RYR3: variants seen among roughly 807,000 people sequenced by gnomAD.
RYR3 encodes the protein ryanodine receptor 3, also known as brain ryanodine receptor-calcium release channel.
In RYR3, 207 loss-of-function variants were observed where a neutral mutation model predicts 584.3. The ratio of observed to expected loss-of-function variants is 0.35; its 90% CI spans 0.32 to 0.40. The LOEUF (loss-of-function observed/expected upper bound fraction) is 0.40, where lower values mean the gene tolerates loss of function less well. Ranked by LOEUF, RYR3 falls within the 10% of genes least tolerant of loss-of-function variation. The probability of loss-of-function intolerance (pLI) is 1.00; values close to 1 mark genes in which losing one functional copy is unlikely to be tolerated. For synonymous variants in RYR3, 2,416 were observed against 2,248.5 expected, an observed-to-expected ratio of 1.07 and a Z score of -2.11; for missense variants, 5,616 against 6,089.2, an observed-to-expected ratio of 0.92 and a Z score of 2.59.
chr15:33,405,970 T>C (rs186882902), intron 1 of RYR3, among the ~76,000 whole-genome samples: 1 of 152,338 alleles, frequency 6.6e-6, no homozygotes, highest in East Asian at 1.9e-4. Flanking sequence ...CTCCCTTCTC[T>C]ATAATCCATA....
intron 17 of RYR3, among the ~76,000 whole-genome samples, 171 bp downstream of exon 17, chr15:33,601,723 C>T (rs938577835): frequency 6.6e-6 from 1 of 152,160 alleles, no homozygotes; most frequent in African/African-American, 2.4e-5. Flanking sequence ...ACTAGGGCCT[C>T]CAACACCTTT....
intron 57 of RYR3, among the ~76,000 whole-genome samples, chr15:33,752,409 G>A (rs181986478): frequency 1.3e-5 from 2 of 152,244 alleles, no homozygotes; most frequent in Admixed American, 1.3e-4. Flanking sequence ...ATTTCGTTGA[G>A]CATTGATTTG....
At chr15:33,462,320 A>G (rs757378687) in intron 1 of RYR3, among the ~76,000 whole-genome samples, 14 of 152,208 alleles carry the variant, frequency 9.2e-5, no homozygotes, top group Non-Finnish European at 1.8e-4. Flanking sequence ...AAGGATATTC[A>G]AAGAGTATCC....
chr15:33,358,528 G>A (rs1038680136), intron 1 of RYR3, among the ~76,000 whole-genome samples: 8 of 152,168 alleles, frequency 5.3e-5, no homozygotes, highest in African/African-American at 1.9e-4. Flanking sequence ...AAAGGCTGCA[G>A]AGACGTGGTG....
chr15:33,471,940 C>T (rs2048967674), intron 1 of RYR3, among the ~76,000 whole-genome samples: 1 of 152,148 alleles, frequency 6.6e-6, no homozygotes. Context: ...CTGGTTGATA[C>T]AGGATCTAGG....
intron 17 of RYR3, among the ~76,000 whole-genome samples, chr15:33,602,211 C>T (rs2059697240): frequency 6.6e-6 from 1 of 152,210 alleles, no homozygotes; most frequent in Non-Finnish European, 1.5e-5. Flanking sequence ...TGAGCTGTCA[C>T]ACAGACTTAC....
intron 67 of RYR3, among the ~76,000 whole-genome samples, chr15:33,792,529 G>A (rs4145827): frequency 0.6 from 91,588 of 151,980 alleles, 28,951 homozygotes; most frequent in East Asian, 0.96. Flanking sequence ...CACCATCATC[G>A]CTTCTATTCT....
chr15:33,417,402 C>T (rs1379430144), intron 1 of RYR3, among the ~76,000 whole-genome samples: 1 of 152,084 alleles, frequency 6.6e-6, no homozygotes, highest in Admixed American at 6.6e-5. Context: ...AGATCTTTCA[C>T]CTCCTTGATA....
chr15:33,713,346 A>T (rs1169436762), intron 43 of RYR3, among the ~76,000 whole-genome samples: 1 of 151,912 alleles, frequency 6.6e-6, no homozygotes, highest in African/African-American at 2.4e-5. Context: ...GTCAGTGGTT[A>T]TAGTGAGTTG....
chr15:33,783,351 G>A (rs1413109692), intron 65 of RYR3, among the ~76,000 whole-genome samples: 5 of 152,192 alleles, frequency 3.3e-5, no homozygotes, highest in East Asian at 1.9e-4. Flanking sequence ...ACAGTCTTGC[G>A]TCTGATTCTA....
At chr15:33,653,969 G>A (rs934021644) in intron 32 of RYR3, among the ~76,000 whole-genome samples, 23 of 152,124 alleles carry the variant, frequency 1.5e-4, no homozygotes, top group African/African-American at 5.6e-4. Flanking sequence ...ACAAAGAAAA[G>A]CACTTTTTTT....
intron 1 of RYR3, among the ~76,000 whole-genome samples, chr15:33,464,098 CATG>C (rs2048255985): frequency 6.6e-6 from 1 of 151,894 alleles, no homozygotes; most frequent in Admixed American, 6.6e-5. Flanking sequence ...GAATCATATG[CATG>C]AAGGTTATTA....
rs915342419 is a variant in RYR3, at chr15:33,805,695, T to G, written c.10012-1860T>G. On this transcript the variant is annotated intron_variant, in intron 69 of 103. Coordinates refer to ENST00000634891, the MANE Select transcript of RYR3 (RefSeq NM_001036.6). Reference sequence around the variant, plus strand: ...GGTTTCACTGTGTTAGCCAGGATGGTCTCGATCTCCTGACGTCATGATCCG... The same window carrying G: ...GGTTTCACTGTGTTAGCCAGGATGGGCTCGATCTCCTGACGTCATGATCCG... 2.2e-4 allele frequency among the ~76,000 whole-genome samples: 33 copies of G among 151,860 alleles called. No homozygotes were observed. The South Asian group carries it at 4.2e-3, about 19-fold the overall frequency.
At chr15:33,328,531 T>A (rs1057007511) in intron 1 of RYR3, among the ~76,000 whole-genome samples, 9 of 152,222 alleles carry the variant, frequency 5.9e-5, no homozygotes, top group African/African-American at 2.2e-4. Context: ...GTGCCCCAGA[T>A]AATATTCTCT....
In RYR3 at chr15:33,697,920, A is replaced by G. The variant is rs2152767480; in HGVS notation, c.6173A>G (p.Asn2058Ser). ...AACAAGGTGTTTTACCAGCATCCCAACCTCATGAGAGTCCTGGGCATGCAC... is the reference window on the plus strand; with the variant it reads ...AACAAGGTGTTTTACCAGCATCCCAGCCTCATGAGAGTCCTGGGCATGCAC... Reference protein sequence around the residue: ...MNNKVFYQHPNLMRVLGMHET... With the variant: ...MNNKVFYQHPSLMRVLGMHET... The change falls in exon 40 of 104, where the codon AAC becomes AGC. Residue 2058 changes from asparagine (N) to serine (S), a missense_variant. Physicochemically the swap from Asn to Ser is conservative, Grantham distance 46. Coordinates refer to ENST00000634891, the MANE Select transcript of RYR3 (RefSeq NM_001036.6). The G allele has an allele frequency of 1.2e-6, 2 of 1,613,754 alleles. No individual in the cohort carries two copies. The highest frequency in any genetic ancestry group is 1.7e-6 in the Non-Finnish European group (2 of 1,179,672).
chr15:33,834,001 A>G (rs1053546301), intron 86 of RYR3, among the ~76,000 whole-genome samples: 1 of 152,078 alleles, frequency 6.6e-6, no homozygotes. Context: ...GAGATTATTG[A>G]CCGCGCACTG....
chr15:33,436,728 A>G (rs1020416086), intron 1 of RYR3, among the ~76,000 whole-genome samples: 2 of 151,778 alleles, frequency 1.3e-5, no homozygotes, highest in African/African-American at 4.8e-5. Flanking sequence ...CTGGTCTTGA[A>G]CTTCTGACCT....
chr15:33,825,775 C>A, intron 82 of RYR3, 99 bp downstream of exon 82: 1 of 723,514 alleles, frequency 1.4e-6, no homozygotes, highest in Non-Finnish European at 2.1e-6. Context: ...TCTTGTTGCT[C>A]AGGCTGGACT....
At chr15:33,619,625 T>A (rs969178666) in intron 19 of RYR3, among the ~76,000 whole-genome samples, 2 of 152,218 alleles carry the variant, frequency 1.3e-5, no homozygotes, top group African/African-American at 4.8e-5. Flanking sequence ...AGAACAATTT[T>A]GTCAGTAATT....
Sources: allele counts gnomAD v4.1 joint callset (sites outside exome capture counted in the v4.1 genomes callset), GRCh38; gene constraint gnomAD v4.1.1; transcripts MANE v1.5; gene names NCBI Gene and HGNC (gene_info 2026-07-23, HGNC 2026-07-21).